PTPRT: variants seen among roughly 807,000 people sequenced by gnomAD.
PTPRT encodes protein tyrosine phosphatase receptor type T, also known as receptor-type tyrosine-protein phosphatase T.
In PTPRT, 56 loss-of-function variants were observed where a neutral mutation model predicts 176.8. That is an observed-to-expected ratio of 0.32 (90% CI 0.26 to 0.40). PTPRT has a LOEUF of 0.40. Ranked by LOEUF, PTPRT falls within the 10% of genes least tolerant of loss-of-function variation. The pLI is 1.00. For missense variants in PTPRT, 1,540 were observed against 1,908.2 expected, an observed-to-expected ratio of 0.81 and a Z score of 3.60; for synonymous variants, 783 against 739.0, an observed-to-expected ratio of 1.06 and a Z score of -0.96.
rs1307122053 is a variant in PTPRT at position 42,633,949 on chromosome 20, T to G, written c.1153+43917A>C. Among the ~76,000 whole-genome samples, 4 of 44,544 alleles carry G rather than the reference T, an allele frequency of 9.0e-5. No individual in the cohort carries two copies. The Admixed American group carries it at 1.7e-3, about 19-fold the overall frequency. 29.2% of individuals were successfully genotyped at this position (44,544 alleles called of 152,430 possible). On this transcript the variant is annotated intron_variant, in intron 7 of 30. Transcript: ENST00000373187. ...TATATTATAATAATATAATATAATA[T>G]ATAATTATATATAATATATTATAAT...
chr20:42,199,602 G>A (rs1277632565), intron 15 of PTPRT, among the ~76,000 whole-genome samples: 1 of 152,148 alleles, frequency 6.6e-6, no homozygotes, highest in Non-Finnish European at 1.5e-5. Context: ...CAATGCATGT[G>A]TTCTATGTTT....
chr20:42,160,882 A>T (rs927114192), intron 17 of PTPRT, among the ~76,000 whole-genome samples: 1 of 152,084 alleles, frequency 6.6e-6, no homozygotes, highest in Non-Finnish European at 1.5e-5. Context: ...GGACCAGAAT[A>T]CCACAGAAGC....
At chr20:42,176,793 G>T (rs1555796504) in intron 16 of PTPRT, among the ~76,000 whole-genome samples, 1 of 152,198 alleles carries the variant, frequency 6.6e-6, no homozygotes, top group Non-Finnish European at 1.5e-5. Context: ...TTTTGTTGAT[G>T]TGCAAGAAAG....
chr20:42,047,872 T>C, the PTPRT span, among the ~76,000 whole-genome samples: 1 of 152,208 alleles, frequency 6.6e-6, no homozygotes, highest in African/African-American at 2.4e-5. Context: ...CTCTTCCCAG[T>C]GCCCAATATC....
chr20:42,077,013 A>G lies in PTPRT; in HGVS notation c.*3866T>C, dbSNP rs923680285. 25 of 188,706 alleles carry G rather than the reference A, an allele frequency of 1.3e-4. No homozygotes were observed. Among genetic ancestry groups the G allele is most frequent in the Non-Finnish European group, 1.1e-5 (1 of 89,844 alleles). The allele number at this position is 188,706 out of a possible 1,614,324, so 11.7% of individuals were successfully genotyped here. A position where few individuals can be genotyped will look rare whatever the true frequency, so the allele number is the denominator to read the frequency against. Reference sequence around the variant, plus strand: ...GGTTTAAATCCTGGTTCATTCACTCACTAGCTGTGGAACTGTGGGCAAGTG... The same window carrying G: ...GGTTTAAATCCTGGTTCATTCACTCGCTAGCTGTGGAACTGTGGGCAAGTG... On this transcript the variant is annotated 3_prime_UTR_variant, in exon 31 of 31. Coordinates refer to ENST00000373187, the MANE Select transcript of PTPRT (RefSeq NM_007050.6).
At chr20:42,719,121 G>A (rs777143148) in intron 6 of PTPRT, among the ~76,000 whole-genome samples, 14 of 152,184 alleles carry the variant, frequency 9.2e-5, no homozygotes, top group Non-Finnish European at 2.1e-4. Context: ...TGAAAACTTC[G>A]AGAAGAACAT....
intron 2 of PTPRT, among the ~76,000 whole-genome samples, chr20:42,882,001 G>A (rs2145855092): frequency 6.6e-6 from 1 of 152,254 alleles, no homozygotes; most frequent in South Asian, 2.1e-4. Context: ...ATGTGCCAGG[G>A]GAGGCCATCA....
intron 6 of PTPRT, among the ~76,000 whole-genome samples, chr20:42,694,842 G>A (rs981117165): frequency 6.6e-6 from 1 of 152,116 alleles, no homozygotes; most frequent in African/African-American, 2.4e-5. Context: ...GCTGGTTCTG[G>A]CTGGGGTCAC....
At chr20:42,779,972 G>C (rs1253997573) in intron 4 of PTPRT, among the ~76,000 whole-genome samples, 1 of 152,080 alleles carries the variant, frequency 6.6e-6, no homozygotes, top group Non-Finnish European at 1.5e-5. Flanking sequence ...AATGGAGAGA[G>C]ATTCAAACAA....
chr20:42,512,173 A>G (rs1202789207), intron 7 of PTPRT, among the ~76,000 whole-genome samples: 2 of 152,188 alleles, frequency 1.3e-5, no homozygotes, highest in African/African-American at 2.4e-5. Flanking sequence ...ATAAATTTCT[A>G]TGAATTTTAA....
intron 7 of PTPRT, among the ~76,000 whole-genome samples, chr20:42,543,984 G>C (rs565580620): frequency 1.3e-5 from 2 of 152,168 alleles, no homozygotes; most frequent in African/African-American, 4.8e-5. Flanking sequence ...AGGCTTTGTT[G>C]TTCCATTTAC....
At chr20:42,381,280 A>G (rs1011537167) in intron 9 of PTPRT, among the ~76,000 whole-genome samples, 1 of 152,220 alleles carries the variant, frequency 6.6e-6, no homozygotes, top group African/African-American at 2.4e-5. Flanking sequence ...AGGTATGGCC[A>G]GATGACTTGT....
At chr20:42,490,903 C>A (rs2071551155) in intron 7 of PTPRT, among the ~76,000 whole-genome samples, 1 of 151,968 alleles carries the variant, frequency 6.6e-6, no homozygotes, top group Non-Finnish European at 1.5e-5. Flanking sequence ...TGGTGAATAC[C>A]TTTATCAAAT....
chr20:42,281,519 C>T (rs1485731246), intron 13 of PTPRT, among the ~76,000 whole-genome samples: 2 of 152,056 alleles, frequency 1.3e-5, no homozygotes, highest in African/African-American at 2.4e-5. Flanking sequence ...TTTTTCTCCC[C>T]ACTCTGCCCG....
At chr20:42,101,358 TGGC>T (rs948679441) in intron 26 of PTPRT, among the ~76,000 whole-genome samples, 7 of 152,164 alleles carry the variant, frequency 4.6e-5, no homozygotes, top group Non-Finnish European at 8.8e-5. Flanking sequence ...GAAAAGTGCA[TGGC>T]TGGTAGTAGA....
intron 7 of PTPRT, among the ~76,000 whole-genome samples, chr20:42,478,112 C>A (rs2071322938): frequency 6.6e-6 from 1 of 152,198 alleles, no homozygotes; most frequent in South Asian, 2.1e-4. Context: ...CAAAGGATGG[C>A]TGTCTGGGGG....
chr20:43,078,235 T>C (rs2011331842), intron 1 of PTPRT, among the ~76,000 whole-genome samples: 2 of 152,202 alleles, frequency 1.3e-5, no homozygotes, highest in South Asian at 4.1e-4. Flanking sequence ...GATTTGTCAT[T>C]ATAAATTAGT....
rs144931241 is a variant in PTPRT, at chr20:42,355,405, T to C, written c.1561-3120A>G. Among the ~76,000 whole-genome samples the C allele has an allele frequency of 1.4e-4, 21 of 152,314 alleles. No homozygotes were observed. In the South Asian group the frequency reaches 1.5e-3, roughly 11 times the overall value. Reference sequence around the variant, plus strand: ...TCAAATCCCCATCTCAGGGTCTGCATCTGAGAATGACCAAACTAAGGAAAA... The same window carrying C: ...TCAAATCCCCATCTCAGGGTCTGCACCTGAGAATGACCAAACTAAGGAAAA... On this transcript the variant is annotated intron_variant, in intron 9 of 30. Coordinates refer to ENST00000373187, the MANE Select transcript of PTPRT (RefSeq NM_007050.6).
chr20:43,182,672 T>A (rs1174982987), intron 1 of PTPRT, among the ~76,000 whole-genome samples: 1 of 152,142 alleles, frequency 6.6e-6, no homozygotes, highest in Non-Finnish European at 1.5e-5. Flanking sequence ...ATTACAGGCG[T>A]GAGCCACCAC....
Sources: gnomAD v4.1 joint callset for allele counts (sites outside exome capture counted in the v4.1 genomes callset) on GRCh38, gnomAD v4.1.1 for gene constraint, MANE v1.5 for transcripts, NCBI Gene and HGNC (gene_info 2026-07-23, HGNC 2026-07-21) for gene names.